FGF12: variants seen among roughly 807,000 people sequenced by gnomAD.
FGF12 encodes the protein fibroblast growth factor 12B.
In FGF12, 14 loss-of-function variants were observed where a neutral mutation model predicts 23.6. The ratio of observed to expected loss-of-function variants is 0.59; its 90% confidence interval spans 0.39 to 0.93. The LOEUF is 0.93. FGF12 is among the 40% of genes least tolerant of loss of function. The pLI is 0.00. For synonymous variants in FGF12, 62 were observed against 77.3 expected (o/e 0.80, Z 1.04); for missense variants, 175 against 217.8 (o/e 0.80, Z 1.24).
chr3:192,656,662 A>G (rs1220576502), intron 2 of FGF12, among the ~76,000 whole-genome samples: 1 of 152,196 alleles, frequency 6.6e-6, no homozygotes, highest in Non-Finnish European at 1.5e-5. Context: ...ATACATATCC[A>G]GTAACAATGC....
At chr3:192,442,728 G>T (rs1442812824) in intron 2 of FGF12, among the ~76,000 whole-genome samples, 1 of 151,912 alleles carries the variant, frequency 6.6e-6, no homozygotes, top group Non-Finnish European at 1.5e-5. Flanking sequence ...AAATAATGCT[G>T]CCTGGTAACT....
rs1320795749 is a variant in FGF12, at chr3:192,612,555, T to C, written c.13+114626A>G. 4.6e-5 allele frequency among the ~76,000 whole-genome samples: 7 copies of C among 151,886 alleles called. No homozygotes were observed. In the Admixed American group the frequency reaches 4.6e-4, roughly 10 times the overall value. On this transcript the variant is annotated intron_variant, in intron 2 of 5. Transcript: ENST00000445105. ...ATTATGATAAACCTAGATGGTGAAATACTTTGCAGAATGGGAAATGTCACG... is the reference window on the plus strand; with the variant it reads ...ATTATGATAAACCTAGATGGTGAAACACTTTGCAGAATGGGAAATGTCACG...
intron 5 of FGF12, among the ~76,000 whole-genome samples, chr3:192,169,699 A>T (rs558793434): frequency 3.9e-5 from 6 of 152,156 alleles, no homozygotes; most frequent in Non-Finnish European, 5.9e-5. Flanking sequence ...CTTTCAGAGG[A>T]GAAACAAGCT....
intron 2 of FGF12, among the ~76,000 whole-genome samples, chr3:192,462,683 G>T (rs185163192): frequency 7.1e-4 from 108 of 152,184 alleles, no homozygotes; most frequent in African/African-American, 2.5e-3. Context: ...CATTACCAAG[G>T]TTCTTTAATA....
At chr3:192,511,932 A>G (rs978906869) in intron 2 of FGF12, among the ~76,000 whole-genome samples, 9 of 152,166 alleles carry the variant, frequency 5.9e-5, no homozygotes, top group African/African-American at 2.2e-4. Flanking sequence ...TGATACTAAA[A>G]AGCTCAAAAT....
At chr3:192,530,352 G>A (rs893709777) in intron 2 of FGF12, among the ~76,000 whole-genome samples, 1 of 152,098 alleles carries the variant, frequency 6.6e-6, no homozygotes, top group Non-Finnish European at 1.5e-5. Flanking sequence ...AATAAATTGA[G>A]ATAGAATATC....
intron 4 of FGF12, chr3:192,268,511 G>C (rs1475251731): frequency 5.5e-6 from 1 of 182,748 alleles, no homozygotes; most frequent in Non-Finnish European, 1.2e-5. Flanking sequence ...TTTGAATCAT[G>C]GGAGCAGATG....
chr3:192,667,780 C>G (rs576548603), intron 2 of FGF12, among the ~76,000 whole-genome samples: 2 of 151,954 alleles, frequency 1.3e-5, no homozygotes, highest in East Asian at 3.9e-4. Context: ...ACGGGTATAA[C>G]AGGAGGCGAG....
chr3:192,399,972 C>A (rs769724587), intron 2 of FGF12, among the ~76,000 whole-genome samples: 2 of 152,164 alleles, frequency 1.3e-5, no homozygotes, highest in Non-Finnish European at 2.9e-5. Context: ...CTCAGGATAC[C>A]CAACCGGAGG....
At chr3:192,300,031 A>G (rs1056568422) in intron 4 of FGF12, among the ~76,000 whole-genome samples, 2 of 152,092 alleles carry the variant, frequency 1.3e-5, no homozygotes, top group African/African-American at 4.8e-5. Flanking sequence ...ACTGGGGCCT[A>G]TTTTCTCTAT....
chr3:192,270,358 T>C (rs955714592), intron 4 of FGF12, among the ~76,000 whole-genome samples: 1 of 152,166 alleles, frequency 6.6e-6, no homozygotes, highest in Non-Finnish European at 1.5e-5. Flanking sequence ...CTGAACTTTC[T>C]TGAAATTCTC....
intron 2 of FGF12, among the ~76,000 whole-genome samples, chr3:192,545,748 T>G (rs1346937974): frequency 2.0e-5 from 3 of 152,200 alleles, no homozygotes. Context: ...CAACTCAATA[T>G]TAAAAAATAT....
chr3:192,371,029 C>G (rs1320122848), intron 2 of FGF12, among the ~76,000 whole-genome samples: 1 of 152,188 alleles, frequency 6.6e-6, no homozygotes, highest in Non-Finnish European at 1.5e-5. Flanking sequence ...GAGTTTGACA[C>G]TGGTCAACCT....
chr3:192,218,112 C>T (rs1184134997), intron 4 of FGF12, among the ~76,000 whole-genome samples: 4 of 152,126 alleles, frequency 2.6e-5, no homozygotes, highest in Non-Finnish European at 5.9e-5. Flanking sequence ...GGATTACAAG[C>T]GTCAGCCACC....
At chr3:192,230,107 A>G (rs67834509) in intron 4 of FGF12, among the ~76,000 whole-genome samples, 9,148 of 152,194 alleles carry the variant, frequency 0.06, 300 homozygotes, top group South Asian at 0.08. Context: ...ACCCCATTCC[A>G]CACTTACTGA....
chr3:192,440,021 G>A (rs9853187), intron 2 of FGF12, among the ~76,000 whole-genome samples: 86,103 of 150,376 alleles, frequency 0.57, 25,607 homozygotes, highest in African/African-American at 0.73. Context: ...AAAGTCAGGG[G>A]AGCTTTATGG....
intron 2 of FGF12, among the ~76,000 whole-genome samples, chr3:192,416,487 TGAGAAA>T (rs893965089): frequency 2.0e-5 from 3 of 152,036 alleles, no homozygotes; most frequent in African/African-American, 7.2e-5. Flanking sequence ...ATTTGTGAAA[TGAGAAA>T]AAGTGTGAAT....
chr3:192,238,089 A>G (rs1719393573), intron 4 of FGF12: 1 of 152,210 alleles, frequency 6.6e-6, no homozygotes, highest in Admixed American at 6.6e-5. Context: ...GCTTTTCTGG[A>G]GCCAAAGCTC....
chr3:192,181,667 G>C (rs111730070), intron 4 of FGF12, among the ~76,000 whole-genome samples: 2 of 137,422 alleles, frequency 1.5e-5, no homozygotes, highest in African/African-American at 5.5e-5. Flanking sequence ...TTTCACTCCT[G>C]TTGCCCAGAC....
Sources: gnomAD v4.1 joint callset for allele counts (sites outside exome capture counted in the v4.1 genomes callset) on GRCh38, gnomAD v4.1.1 for gene constraint, MANE v1.5 for transcripts, NCBI Gene and HGNC (gene_info 2026-07-23, HGNC 2026-07-21) for gene names.